Variants in NXPH1 observed in about 807,000 individuals in gnomAD.
The protein encoded by NXPH1 is neurexophilin-1.
Under a neutral mutation model 23.7 loss-of-function variants are expected in NXPH1, and 5 were observed. The observed-to-expected ratio is 0.21, with a 90% confidence interval of 0.11 to 0.44. NXPH1 has a LOEUF of 0.44. Among genes scored for constraint, NXPH1 ranks in the 20% least tolerant of loss-of-function variants. NXPH1 has a pLI of 0.99. For missense variants in NXPH1, 324 were observed against 321.6 expected (o/e 1.01, Z -0.06); for synonymous variants, 144 against 122.2 (o/e 1.18, Z -1.18).
chr7:8,493,449 A>T (rs1191228719), intron 2 of NXPH1, among the ~76,000 whole-genome samples: 1 of 152,028 alleles, frequency 6.6e-6, no homozygotes, highest in East Asian at 1.9e-4. Context: ...TGTGCCCAGA[A>T]TCTCATACTT....
intron 2 of NXPH1, among the ~76,000 whole-genome samples, chr7:8,686,890 A>G (rs553906822): frequency 6.6e-6 from 1 of 152,274 alleles, no homozygotes; most frequent in Admixed American, 6.5e-5. Flanking sequence ...GCTGAATTAC[A>G]CATTACCATA....
chr7:8,475,757 T>A (rs1563321341), intron 2 of NXPH1, among the ~76,000 whole-genome samples: 2 of 152,174 alleles, frequency 1.3e-5, no homozygotes, highest in Non-Finnish European at 2.9e-5. Context: ...TGTCTTTTGC[T>A]CCTGTTAAAA....
rs1224654176 is a variant in NXPH1, at chr7:8,611,272, A to AC, written c.55-139731dup. Among the ~76,000 whole-genome samples, 3 of 152,048 alleles carry AC rather than the reference A, an allele frequency of 2.0e-5. No individual in the cohort carries two copies. In the East Asian group the frequency reaches 5.8e-4, roughly 29 times the overall value. On this transcript the variant is annotated intron_variant, in intron 2 of 2. Transcript: ENST00000405863. ...TGATGGGCTTTTAAAATGTTCCCTT[A>AC]CCCCCAAGTTTCTCTCAATCGGCTG...
rs138496229 is a variant in NXPH1, at chr7:8,516,149, T to C, written c.54+80382T>C. 5.0e-4 allele frequency among the ~76,000 whole-genome samples: 76 copies of C among 152,264 alleles called. No individual in the cohort carries two copies. The East Asian group carries it at 0.014, about 27-fold the overall frequency. On this transcript the variant is annotated intron_variant, in intron 2 of 2. Coordinates refer to ENST00000405863, the MANE Select transcript of NXPH1 (RefSeq NM_152745.3). ...CAAATATCACCAGTTATCAAGACCA[T>C]TTTTTGATGTCCTTTCCTTTCCATC...
intron 2 of NXPH1, among the ~76,000 whole-genome samples, chr7:8,709,632 A>C (rs547815139): frequency 6.6e-6 from 1 of 152,346 alleles, no homozygotes; most frequent in East Asian, 1.9e-4. Context: ...AATTTAAACA[A>C]GGGTGGAAAA....
intron 2 of NXPH1, among the ~76,000 whole-genome samples, chr7:8,617,805 T>G (rs1361891781): frequency 6.6e-6 from 1 of 152,154 alleles, no homozygotes. Context: ...ATAATGGGAT[T>G]GTTTGTAATT....
In NXPH1 at chr7:8,455,885, A is replaced by T. The variant is rs148614928; in HGVS notation, c.54+20118A>T. Among the ~76,000 whole-genome samples the T allele has an allele frequency of 1.7e-3, 259 of 152,290 alleles. 2 individuals carry two copies. The highest frequency in any genetic ancestry group is 5.9e-3 in the African/African-American group (246 of 41,566). The stretch of plus-strand genomic sequence containing the variant: ...TATGAGATGGCAGGGTTTTCTTCCC[A>T]TGTGTCCTAGGGGATATTTTCTTGC... On this transcript the variant is annotated intron_variant, in intron 2 of 2. Transcript: ENST00000405863.
chr7:8,563,009 T>A (rs1370507028), intron 2 of NXPH1, among the ~76,000 whole-genome samples: 1 of 151,742 alleles, frequency 6.6e-6, no homozygotes, highest in Non-Finnish European at 1.5e-5. Context: ...AATTAAGTTA[T>A]GAATTCTAAC....
chr7:8,479,737 G>T lies in NXPH1; in HGVS notation c.54+43970G>T, dbSNP rs374390475. Among the ~76,000 whole-genome samples, 429 of 152,168 alleles carry T rather than the reference G, an allele frequency of 2.8e-3. 3 individuals are homozygous for T. Among genetic ancestry groups the T allele is most frequent in the African/African-American group, 1.0e-2 (414 of 41,512 alleles). ...CTAGGAAGCTATCAGAAACTCCTGT[G>T]GTTATGTCAAAAGAAACTCAGGAAT... is the stretch of plus-strand genomic sequence containing the variant. On this transcript the variant is annotated intron_variant, in intron 2 of 2. Coordinates refer to ENST00000405863, the MANE Select transcript of NXPH1 (RefSeq NM_152745.3).
At chr7:8,543,026 T>C (rs1818143582) in intron 2 of NXPH1, among the ~76,000 whole-genome samples, 1 of 151,624 alleles carries the variant, frequency 6.6e-6, no homozygotes, top group South Asian at 2.1e-4. Context: ...ACATTTAAAT[T>C]GAATTTACAT....
intron 2 of NXPH1, among the ~76,000 whole-genome samples, chr7:8,558,655 A>G (rs905565355): frequency 1.3e-5 from 2 of 151,654 alleles, no homozygotes; most frequent in Non-Finnish European, 3.0e-5. Context: ...CAAGTCACCT[A>G]TGAGCCCAAC....
At chr7:8,691,054 A>G (rs1054546244) in intron 2 of NXPH1, among the ~76,000 whole-genome samples, 2 of 152,216 alleles carry the variant, frequency 1.3e-5, no homozygotes, top group African/African-American at 2.4e-5. Context: ...GGGGTGACAT[A>G]TGGCTCTCTC....
chr7:8,529,803 T>TA (rs990103854), intron 2 of NXPH1, among the ~76,000 whole-genome samples: 7 of 151,818 alleles, frequency 4.6e-5, no homozygotes, highest in East Asian at 1.9e-4. Flanking sequence ...CTTCCTGAAT[T>TA]AAAAAAAATG....
chr7:8,444,006 C>T (rs1816354013), intron 2 of NXPH1, among the ~76,000 whole-genome samples: 1 of 152,206 alleles, frequency 6.6e-6, no homozygotes, highest in South Asian at 2.1e-4. Flanking sequence ...ACTTAAAGTG[C>T]GCCCAGTTCC....
intron 2 of NXPH1, among the ~76,000 whole-genome samples, chr7:8,710,424 C>T (rs533443293): frequency 7.9e-5 from 12 of 152,126 alleles, no homozygotes; most frequent in Admixed American, 3.3e-4. Flanking sequence ...TACTAATGTG[C>T]GAGGTTTGTT....
intron 2 of NXPH1, among the ~76,000 whole-genome samples, chr7:8,650,365 C>T (rs1820472393): frequency 2.6e-5 from 4 of 152,152 alleles, no homozygotes; most frequent in African/African-American, 7.2e-5. Context: ...TTCAATTAAA[C>T]TAGCCTTTAC....
intron 2 of NXPH1, among the ~76,000 whole-genome samples, chr7:8,708,049 A>G (rs1779730523): frequency 6.6e-6 from 1 of 152,194 alleles, no homozygotes; most frequent in Non-Finnish European, 1.5e-5. Flanking sequence ...CAAATTTTAA[A>G]TGGAATTAAT....
At chr7:8,459,219 A>C (rs1187183376) in intron 2 of NXPH1, among the ~76,000 whole-genome samples, 5 of 152,148 alleles carry the variant, frequency 3.3e-5, no homozygotes, top group Non-Finnish European at 1.5e-5. Context: ...AGGACATAAA[A>C]TTATTCATTT....
At chr7:8,747,904 A>C (rs1267326472) in intron 2 of NXPH1, among the ~76,000 whole-genome samples, 1 of 152,216 alleles carries the variant, frequency 6.6e-6, no homozygotes, top group African/African-American at 2.4e-5. Flanking sequence ...CCTTCAGAAA[A>C]TGAGTGGGAA....
Sources: gnomAD v4.1 joint callset for allele counts (sites outside exome capture counted in the v4.1 genomes callset) on GRCh38, gnomAD v4.1.1 for gene constraint, MANE v1.5 for transcripts, NCBI Gene and HGNC (gene_info 2026-07-23, HGNC 2026-07-21) for gene names.